The following ABAT variants were observed in gnomAD, a reference collection of about 807,000 sequenced individuals.
The protein encoded by ABAT is 4-aminobutyrate aminotransferase, mitochondrial.
A neutral mutation model predicts 64.6 loss-of-function variants in ABAT; 45 were observed. That is an observed-to-expected ratio of 0.70 (90% CI 0.55 to 0.89). ABAT has a LOEUF of 0.89. Ranked by LOEUF, ABAT falls within the 40% of genes least tolerant of loss-of-function variation. The pLI is 0.00. For missense variants in ABAT, 633 were observed against 658.4 expected (o/e 0.96, Z 0.42); for synonymous variants, 297 against 250.5 (o/e 1.19, Z -1.75).
In ABAT at chr16:8,705,069, A is replaced by AT. The variant is rs200208383; in HGVS notation, c.-42+30368dup. Among the ~76,000 whole-genome samples the AT allele has an allele frequency of 2.1e-3, 314 of 149,634 alleles. 2 individuals carry two copies. Among genetic ancestry groups the AT allele is most frequent in the Admixed American group, 3.9e-3 (58 of 14,968 alleles). On this transcript the variant is annotated intron_variant, in intron 1 of 15. Transcript: ENST00000268251. ...CATTAGCTAAATTTCTAGAGTTGGG[A>AT]TTTTTTTTTTGATGGGGTGCTGTAT...
intron 1 of ABAT, among the ~76,000 whole-genome samples, chr16:8,676,788 C>A (rs2057212890): frequency 6.6e-6 from 1 of 152,200 alleles, no homozygotes; most frequent in African/African-American, 2.4e-5. Flanking sequence ...CCAAGGTCCC[C>A]TCCCTCTTAG....
intron 2 of ABAT, chr16:8,736,141 A>G (rs952700634): frequency 7.0e-5 from 24 of 345,008 alleles, no homozygotes; most frequent in African/African-American, 5.1e-4. Flanking sequence ...TTGTAAAAAC[A>G]TCAGATCGTG....
intron 1 of ABAT, among the ~76,000 whole-genome samples, chr16:8,709,294 C>G (rs376669336): frequency 1.3e-5 from 2 of 151,642 alleles, no homozygotes; most frequent in Non-Finnish European, 2.9e-5. Flanking sequence ...TCATCTGTTT[C>G]TTTTCTTTTT....
intron 1 of ABAT, among the ~76,000 whole-genome samples, chr16:8,697,642 GT>G (rs60084940): frequency 6.7e-6 from 1 of 149,000 alleles, no homozygotes; most frequent in Non-Finnish European, 1.5e-5. Flanking sequence ...TTGTTTTTTG[GT>G]TTTTTTTTTG....
chr16:8,680,228 G>C (rs1258365134), intron 1 of ABAT, among the ~76,000 whole-genome samples: 1 of 151,828 alleles, frequency 6.6e-6, no homozygotes, highest in Non-Finnish European at 1.5e-5. Context: ...CTGTTTGCTG[G>C]ATTTCTTCCC....
chr16:8,764,864 C>CAT lies in ABAT; in HGVS notation c.540+35_540+36insTA. ...TGGGGCACACACACACACACACACA[C>CAT]AGGCTCCCCAGCACCCAGCCACACG... On this transcript the variant is annotated intron_variant, in intron 8 of 15. Transcript: ENST00000268251. The surrounding 1 kb of genome is among the most constrained non-coding windows in gnomAD (Gnocchi z 4.2). 2.7e-6 allele frequency: 4 copies of CAT among 1,508,928 alleles called. No individual in the cohort carries two copies. The highest frequency in any genetic ancestry group is 1.1e-5 in the South Asian group (1 of 88,934). The allele number at this position is 1,508,928 out of a possible 1,614,324, so 93.5% of individuals were successfully genotyped here.
intron 1 of ABAT, among the ~76,000 whole-genome samples, chr16:8,706,489 G>A (rs1383211078): frequency 1.3e-5 from 2 of 151,648 alleles, no homozygotes; most frequent in Non-Finnish European, 2.9e-5. Context: ...TGAGGTGGGT[G>A]GATCACTTGA....
intron 12 of ABAT, among the ~76,000 whole-genome samples, chr16:8,773,147 CATAT>C (rs1555493032): frequency 2.0e-5 from 2 of 98,428 alleles, no homozygotes; most frequent in Admixed American, 1.1e-4. Flanking sequence ...CACACACACA[CATAT>C]ATATATATTT....
At chr16:8,701,519 T>C (rs2057822133) in intron 1 of ABAT, among the ~76,000 whole-genome samples, 1 of 152,234 alleles carries the variant, frequency 6.6e-6, no homozygotes, top group African/African-American at 2.4e-5. Context: ...CCACCTCTGC[T>C]CTTCACTATC....
At position 8,764,879 on chromosome 16, in the gene ABAT, C is replaced by A. The variant is rs780108604; in HGVS notation, c.540+49C>A. On this transcript the variant is annotated intron_variant, in intron 8 of 15. Transcript: ENST00000268251. The surrounding 1 kb of genome is among the most constrained non-coding windows in gnomAD (Gnocchi z 4.2). ...CACACACACACAGGCTCCCCAGCAC[C>A]CAGCCACACGCTCACCCCTTGTCTG... 1.1e-5 allele frequency: 16 copies of A among 1,486,884 alleles called. No individual in the cohort carries two copies. Among genetic ancestry groups the A allele is most frequent in the Non-Finnish European group, 1.2e-5 (13 of 1,065,402 alleles). 92.1% of individuals were successfully genotyped at this position (1,486,884 alleles called of 1,614,324 possible).
chr16:8,684,034 C>T (rs1018920415), intron 1 of ABAT, among the ~76,000 whole-genome samples: 1 of 152,058 alleles, frequency 6.6e-6, no homozygotes, highest in East Asian at 1.9e-4. Flanking sequence ...TCTAGACTAG[C>T]CATGCGGAAA....
chr16:8,706,041 TATTC>T (rs2057933098), intron 1 of ABAT, among the ~76,000 whole-genome samples: 1 of 152,054 alleles, frequency 6.6e-6, no homozygotes. Context: ...ACTGGACAAA[TATTC>T]AGTGTGCCTG....
chr16:8,728,979 A>G lies in ABAT; in HGVS notation c.-41-6720A>G, dbSNP rs117558341. Among the ~76,000 whole-genome samples the G allele has an allele frequency of 9.1e-3, 1,387 of 152,248 alleles. 11 individuals are homozygous for G. The highest frequency in any genetic ancestry group is 0.013 in the Non-Finnish European group (912 of 68,008). On this transcript the variant is annotated intron_variant, in intron 1 of 15. Coordinates refer to ENST00000268251, the MANE Select transcript of ABAT (RefSeq NM_020686.6). ...AAAAGCAATAAAATTTATTCTGTGA[A>G]CTACGTCATTTTTATTCATGAAGCC... is the stretch of plus-strand genomic sequence containing the variant.
At chr16:8,697,681 G>A (rs527513691) in intron 1 of ABAT, among the ~76,000 whole-genome samples, 1 of 152,104 alleles carries the variant, frequency 6.6e-6, no homozygotes, top group Non-Finnish European at 1.5e-5. Context: ...TGTCACCCAG[G>A]CTGGAGTACA....
intron 2 of ABAT, chr16:8,736,192 A>C: frequency 8.6e-6 from 2 of 233,830 alleles, no homozygotes; most frequent in Non-Finnish European, 1.7e-5. Context: ...CAGCATGGGA[A>C]AGACCCACCC....
chr16:8,774,067 T>A (rs1450890387), intron 12 of ABAT, among the ~76,000 whole-genome samples: 1 of 152,192 alleles, frequency 6.6e-6, no homozygotes, highest in East Asian at 1.9e-4. Flanking sequence ...TAGCTGAGAT[T>A]ACAGGTGCAC....
intron 1 of ABAT, among the ~76,000 whole-genome samples, chr16:8,694,865 A>T (rs537076628): frequency 6.6e-6 from 1 of 152,220 alleles, no homozygotes; most frequent in African/African-American, 2.4e-5. Context: ...GCACGGGAGA[A>T]GGAAGGCAGG....
chr16:8,762,525 C>A (rs1194186655), intron 6 of ABAT, among the ~76,000 whole-genome samples: 2 of 152,198 alleles, frequency 1.3e-5, no homozygotes, highest in African/African-American at 4.8e-5. Context: ...ATGCTGTACC[C>A]TAAGCCTGTT....
At chr16:8,707,588 A>G (rs1359802892) in intron 1 of ABAT, among the ~76,000 whole-genome samples, 1 of 152,150 alleles carries the variant, frequency 6.6e-6, no homozygotes, top group East Asian at 1.9e-4. Flanking sequence ...GTTATGTTCA[A>G]GAAGTGAGAG....
Sources: gnomAD v4.1 joint callset for allele counts (sites outside exome capture counted in the v4.1 genomes callset) on GRCh38, gnomAD v4.1.1 for gene constraint, Gnocchi (gnomAD v3.1) non-coding constraint, MANE v1.5 for transcripts, NCBI Gene and HGNC (gene_info 2026-07-23, HGNC 2026-07-21) for gene names.